Variants in KIF21A observed in about 807,000 individuals in gnomAD.
KIF21A encodes the protein kinesin-like protein KIF21A.
Under a neutral mutation model 202.9 loss-of-function variants are expected in KIF21A, and 114 were observed. The observed-to-expected ratio is 0.56, with a 90% confidence interval of 0.48 to 0.66. KIF21A has a LOEUF of 0.66. Ranked by LOEUF, KIF21A falls within the 30% of genes least tolerant of loss-of-function variation. The probability of loss-of-function intolerance (pLI) is 0.00; values close to 1 mark genes in which losing one functional copy is unlikely to be tolerated. For missense variants in KIF21A, 1,677 were observed against 1,994.9 expected (o/e 0.84, Z 3.04); for synonymous variants, 667 against 670.8 (o/e 0.99, Z 0.09).
intron 31 of KIF21A, among the ~76,000 whole-genome samples, chr12:39,314,933 G>T (rs1327134053): frequency 6.6e-6 from 1 of 151,562 alleles, no homozygotes; most frequent in Non-Finnish European, 1.5e-5. Context: ...ACTTTAAAAT[G>T]TTCTTAAATA....
chr12:39,400,595 C>A (rs1952096387), intron 1 of KIF21A, among the ~76,000 whole-genome samples: 1 of 152,056 alleles, frequency 6.6e-6, no homozygotes, highest in African/African-American at 2.4e-5. Context: ...AGCTTAATGA[C>A]AGACTGGATA....
rs1167064263 is a variant in KIF21A at position 39,333,400 on chromosome 12, G to A, written c.2419-120C>T. On this transcript the variant is annotated intron_variant, in intron 17 of 37. Coordinates refer to ENST00000361418, the MANE Select transcript of KIF21A (RefSeq NM_001173464.2). ...TATGAGTTCTTAGCAGAATCTTTGAGTCAACAACCTTGTATATATTATTAC... is the reference window on the plus strand; with the variant it reads ...TATGAGTTCTTAGCAGAATCTTTGAATCAACAACCTTGTATATATTATTAC... The A allele has an allele frequency of 4.0e-6, 3 of 747,768 alleles. No homozygotes were observed. The Admixed American group carries it at 6.3e-5, about 16-fold the overall frequency. 46.3% of individuals were successfully genotyped at this position (747,768 alleles called of 1,614,324 possible). A position where few individuals can be genotyped will look rare whatever the true frequency, so the allele number is the denominator to read the frequency against.
chr12:39,309,504 C>T, intron 33 of KIF21A, 82 bp downstream of exon 33: 1 of 983,782 alleles, frequency 1.0e-6, no homozygotes, highest in Non-Finnish European at 1.5e-6. Context: ...CATTTATAGT[C>T]CTCTCTTTTC....
In KIF21A at chr12:39,367,967, T is replaced by A. The variant is rs1949710247; in HGVS notation, c.516A>T (p.Lys172Asn). ...AATCTTCATGAATTCTTATATTTGATTTTTTACTTTTTGCATCAATATCAC... is the reference window on the plus strand; with the variant it reads ...AATCTTCATGAATTCTTATATTTGAATTTTTACTTTTTGCATCAATATCAC... Reference protein sequence around the residue: ...TTRDIDAKSKKSNIRIHEDST... With the variant: ...TTRDIDAKSKNSNIRIHEDST... Residue 172 changes from lysine to asparagine, a missense_variant, in exon 4 of 38, where the codon AAA (lysine) becomes AAT (asparagine). Lys to Asn is a moderately conservative substitution (Grantham distance 94). This residue lies in a region of KIF21A where 966 missense variants were observed against 1,180.9 expected (regional missense o/e 0.82). Transcript: ENST00000361418. 1 of 1,606,236 alleles carries A rather than the reference T, an allele frequency of 6.2e-7. No individual in the cohort carries two copies. Among genetic ancestry groups the A allele is most frequent in the East Asian group, 2.2e-5 (1 of 44,700 alleles).
intron 1 of KIF21A, among the ~76,000 whole-genome samples, chr12:39,420,579 A>C (rs137878614): frequency 6.6e-6 from 1 of 152,332 alleles, no homozygotes; most frequent in Non-Finnish European, 1.5e-5. Context: ...GAGGAATGAA[A>C]GAGCAAGTTG....
At chr12:39,415,948 T>A (rs17558706) in intron 1 of KIF21A, among the ~76,000 whole-genome samples, 17,181 of 152,168 alleles carry the variant, frequency 0.11, 1,242 homozygotes, top group Non-Finnish European at 0.17. Context: ...TATTTGGTTG[T>A]TGATATCAGT....
intron 1 of KIF21A, among the ~76,000 whole-genome samples, chr12:39,434,262 C>A (rs1332902878): frequency 1.3e-5 from 2 of 152,186 alleles, no homozygotes; most frequent in Non-Finnish European, 2.9e-5. Flanking sequence ...TCTTTTATAA[C>A]AAAGCCACTC....
At chr12:39,416,076 G>A (rs1953555806) in intron 1 of KIF21A, among the ~76,000 whole-genome samples, 2 of 151,886 alleles carry the variant, frequency 1.3e-5, no homozygotes, top group South Asian at 2.1e-4. Flanking sequence ...CCAAAATTCA[G>A]TTCCTGGAAT....
intron 12 of KIF21A, among the ~76,000 whole-genome samples, chr12:39,345,204 CT>C (rs1385368518): frequency 6.6e-6 from 1 of 152,168 alleles, no homozygotes; most frequent in African/African-American, 2.4e-5. Context: ...TGGGAGTAAA[CT>C]CCTTTCACTG....
chr12:39,315,313 T>C (rs958736033), intron 30 of KIF21A, 73 bp from the exon 31 acceptor site: 18 of 1,319,154 alleles, frequency 1.4e-5, no homozygotes, highest in African/African-American at 2.9e-5. Flanking sequence ...AAAATGATAA[T>C]GGTGAAAGGG....
chr12:39,307,596 C>T lies in KIF21A; in HGVS notation c.4411G>A (p.Gly1471Arg). ...AGATCCCACATCCTGACAGCATTTCCAGAAGCAGCATAGAGGAAGGTGCCA... is the reference window on the plus strand; with the variant it reads ...AGATCCCACATCCTGACAGCATTTCTAGAAGCAGCATAGAGGAAGGTGCCA... Reference protein sequence around the residue: ...PTGTFLYAASGNAVRMWDLKR... With the variant: ...PTGTFLYAASRNAVRMWDLKR... Residue 1471 changes from glycine to arginine, a missense_variant, in exon 34 of 38, where the codon GGA becomes AGA. This residue lies in a region of KIF21A where 705 missense variants were observed against 791.9 expected (regional missense o/e 0.89). Coordinates refer to ENST00000361418, the MANE Select transcript of KIF21A (RefSeq NM_001173464.2). The T allele has an allele frequency of 6.2e-7, 1 of 1,614,128 alleles. No individual in the cohort carries two copies. Among genetic ancestry groups the T allele is most frequent in the South Asian group, 1.1e-5 (1 of 91,074 alleles).
chr12:39,436,115 G>A (rs1267274702), intron 1 of KIF21A, among the ~76,000 whole-genome samples: 1 of 151,982 alleles, frequency 6.6e-6, no homozygotes, highest in Non-Finnish European at 1.5e-5. Context: ...TTGACAGTGA[G>A]CGACCTTATC....
rs139795152 is a variant in KIF21A at position 39,362,279 on chromosome 12, A to T, written c.1019+819T>A. 1.0e-3 allele frequency among the ~76,000 whole-genome samples: 152 copies of T among 152,326 alleles called. 1 individual carries two copies. Among genetic ancestry groups the T allele is most frequent in the African/African-American group, 3.4e-3 (140 of 41,586 alleles). ...TGGCAGTGCAAGAACGAACTAACAC[A>T]GTTGTTCAAAAAGAAACCTTGCTAG... On this transcript the variant is annotated intron_variant, in intron 7 of 37. Transcript: ENST00000361418.
At chr12:39,374,322 C>A (rs1471648493) in intron 1 of KIF21A, among the ~76,000 whole-genome samples, 1 of 152,108 alleles carries the variant, frequency 6.6e-6, no homozygotes, top group Non-Finnish European at 1.5e-5. Context: ...GAAATATCTT[C>A]TTTCTCAGTA....
intron 34 of KIF21A, among the ~76,000 whole-genome samples, chr12:39,306,495 A>G (rs1943484531): frequency 2.6e-5 from 4 of 152,170 alleles, no homozygotes; most frequent in Admixed American, 2.6e-4. Flanking sequence ...CTATTTATCT[A>G]TAAATTATGT....
At chr12:39,424,059 A>G (rs866805807) in intron 1 of KIF21A, among the ~76,000 whole-genome samples, 1 of 151,314 alleles carries the variant, frequency 6.6e-6, no homozygotes. Flanking sequence ...CATATCCAAC[A>G]ACTTACATGC....
intron 1 of KIF21A, among the ~76,000 whole-genome samples, chr12:39,407,273 AT>A (rs1390685157): frequency 1.3e-5 from 2 of 152,232 alleles, no homozygotes; most frequent in African/African-American, 4.8e-5. Context: ...GTTTATTGTA[AT>A]TACAATCATT....
chr12:39,408,774 A>AAGAGAATGTG (rs1952820260), intron 1 of KIF21A, among the ~76,000 whole-genome samples: 1 of 151,886 alleles, frequency 6.6e-6, no homozygotes. Context: ...GTCCCAGAAC[A>AAGAGAATGTG]AGAGAATGTG....
intron 31 of KIF21A, 143 bp from the exon 32 acceptor site, chr12:39,311,696 G>A: frequency 2.6e-6 from 2 of 778,534 alleles, no homozygotes; most frequent in South Asian, 3.0e-5. Flanking sequence ...TCTCTTTTAA[G>A]CAAAAGGACA....
Sources: allele counts gnomAD v4.1 joint callset (sites outside exome capture counted in the v4.1 genomes callset), GRCh38; gene constraint gnomAD v4.1.1; regional missense constraint gnomAD v4.1.1; transcripts MANE v1.5; gene names NCBI Gene and HGNC (gene_info 2026-07-23, HGNC 2026-07-21).